PIAS1: variants seen among roughly 807,000 people sequenced by gnomAD.
PIAS1 encodes the protein protein inhibitor of activated STAT 1.
A neutral mutation model predicts 71.3 loss-of-function variants in PIAS1; 6 were observed. That is an observed-to-expected ratio of 0.08 (90% confidence interval 0.05 to 0.17). The LOEUF is 0.17. Among genes scored for constraint, PIAS1 ranks in the 10% least tolerant of loss-of-function variants. The pLI, the probability that PIAS1 is intolerant of heterozygous loss-of-function variation, is 1.00. For synonymous variants in PIAS1, 303 were observed against 292.9 expected (o/e 1.03, Z -0.35); for missense variants, 555 against 793.6 (o/e 0.70, Z 3.61).
chr15:68,179,363 A>G (rs2093038383), intron 11 of PIAS1, among the ~76,000 whole-genome samples: 1 of 152,112 alleles, frequency 6.6e-6, no homozygotes, highest in African/African-American at 2.4e-5. Context: ...TCTCTTAGAC[A>G]TTGTGAGAAG....
At position 68,103,814 on chromosome 15, in the gene PIAS1, G is replaced by A. The variant is rs78159590; in HGVS notation, c.469+17064G>A. Among the ~76,000 whole-genome samples, 13 of 152,212 alleles carry A rather than the reference G, an allele frequency of 8.5e-5. No individual in the cohort carries two copies. In the South Asian group the frequency reaches 1.2e-3, roughly 15 times the overall value. On this transcript the variant is annotated intron_variant, in intron 2 of 13. Coordinates refer to ENST00000249636, the MANE Select transcript of PIAS1 (RefSeq NM_016166.3). ...CTTTTTAATGGCCAAGTAATATTCC[G>A]TTATATGGATATACCACATTTTGTT... is the stretch of plus-strand genomic sequence containing the variant.
At chr15:68,120,534 G>A (rs542403671) in intron 2 of PIAS1, among the ~76,000 whole-genome samples, 7 of 152,032 alleles carry the variant, frequency 4.6e-5, no homozygotes, top group African/African-American at 7.2e-5. Flanking sequence ...TGTAGTATAC[G>A]TCTTTAATTC....
At chr15:68,122,317 C>T (rs1405917727) in intron 2 of PIAS1, among the ~76,000 whole-genome samples, 2 of 152,072 alleles carry the variant, frequency 1.3e-5, no homozygotes, top group Non-Finnish European at 2.9e-5. Context: ...ATCTGACAGT[C>T]GCAGGTAACA....
At chr15:68,094,136 A>G (rs2092354937) in intron 2 of PIAS1, among the ~76,000 whole-genome samples, 2 of 151,718 alleles carry the variant, frequency 1.3e-5, no homozygotes, top group African/African-American at 4.8e-5. Context: ...TCTGGGCTAT[A>G]TATATATTTG....
intron 7 of PIAS1, among the ~76,000 whole-genome samples, chr15:68,162,651 C>T: frequency 6.6e-6 from 1 of 152,174 alleles, no homozygotes; most frequent in Admixed American, 6.5e-5. Context: ...TCCAGGAAGC[C>T]AACTCTCAAT....
chr15:68,132,120 T>C (rs2092692220), intron 2 of PIAS1, among the ~76,000 whole-genome samples: 1 of 151,872 alleles, frequency 6.6e-6, no homozygotes, highest in Non-Finnish European at 1.5e-5. Context: ...ATCAGAATTA[T>C]TCCCAGTGGG....
At chr15:68,103,639 C>T (rs2092446767) in intron 2 of PIAS1, among the ~76,000 whole-genome samples, 1 of 152,142 alleles carries the variant, frequency 6.6e-6, no homozygotes, top group Non-Finnish European at 1.5e-5. Flanking sequence ...TCCCCTGAAA[C>T]TACTAATACG....
chr15:68,083,241 G>C (rs1262096741), intron 1 of PIAS1, among the ~76,000 whole-genome samples: 1 of 152,126 alleles, frequency 6.6e-6, no homozygotes, highest in Non-Finnish European at 1.5e-5. Context: ...GTTTTCCTCA[G>C]TGTTGTCAAC....
At chr15:68,142,874 A>G (rs1186665192) in intron 4 of PIAS1, among the ~76,000 whole-genome samples, 2 of 152,232 alleles carry the variant, frequency 1.3e-5, no homozygotes, top group African/African-American at 4.8e-5. Context: ...TTTGTTCTGT[A>G]TTTTAAATAA....
chr15:68,123,751 G>A (rs529045487), intron 2 of PIAS1, among the ~76,000 whole-genome samples: 2 of 152,250 alleles, frequency 1.3e-5, no homozygotes, highest in Admixed American at 1.3e-4. Context: ...AGTATATTCT[G>A]TGATATTATA....
At chr15:68,141,015 ACT>A (rs1437326562) in intron 2 of PIAS1, among the ~76,000 whole-genome samples, 1 of 151,938 alleles carries the variant, frequency 6.6e-6, no homozygotes, top group Non-Finnish European at 1.5e-5. Flanking sequence ...GATATTAACC[ACT>A]GTTTTAAAAA....
At chr15:68,147,239 G>T (rs888681548) in intron 6 of PIAS1, among the ~76,000 whole-genome samples, 5 of 152,136 alleles carry the variant, frequency 3.3e-5, no homozygotes, top group South Asian at 2.1e-4. Flanking sequence ...CTGACTTTCA[G>T]TGTTATTTGC....
At position 68,086,713 on chromosome 15, in the gene PIAS1, T is replaced by C; in HGVS notation, c.432T>C (p.Tyr144=). 2 of 1,612,994 alleles carry C rather than the reference T, an allele frequency of 1.2e-6. No individual in the cohort carries two copies. Among genetic ancestry groups the C allele is most frequent in the Non-Finnish European group, 1.7e-6 (2 of 1,178,968 alleles). The change falls in exon 2 of 14, where the codon TAT becomes TAC. Residue 144 remains tyrosine, a synonymous_variant. Transcript: ENST00000249636. This position sits in a 1 kb window ranked among gnomAD's most constrained non-coding sequence, Gnocchi z 7.2. ...TAAAACTTCAAAAATTACCATTTTA[T>C]GATTTACTGGATGAACTGATAAAAC... ...PDIKLQKLPF[Y]DLLDELIKPT...
At chr15:68,175,970 A>T (rs1189494203) in intron 10 of PIAS1, among the ~76,000 whole-genome samples, 1 of 152,210 alleles carries the variant, frequency 6.6e-6, no homozygotes, top group African/African-American at 2.4e-5. Context: ...ATTTACTGAT[A>T]TAAGATTTCA....
intron 2 of PIAS1, among the ~76,000 whole-genome samples, chr15:68,124,147 G>A (rs578021088): frequency 2.6e-5 from 4 of 152,052 alleles, no homozygotes; most frequent in African/African-American, 9.7e-5. Flanking sequence ...AATGATGGTG[G>A]GAGGTTATTT....
At chr15:68,169,887 A>G (rs761062507) in intron 8 of PIAS1, among the ~76,000 whole-genome samples, 3 of 152,126 alleles carry the variant, frequency 2.0e-5, no homozygotes, top group Non-Finnish European at 4.4e-5. Context: ...CATTTTACAA[A>G]ACTGAGCCTC....
At chr15:68,117,334 C>T (rs780627268) in intron 2 of PIAS1, among the ~76,000 whole-genome samples, 2 of 152,196 alleles carry the variant, frequency 1.3e-5, no homozygotes, top group Non-Finnish European at 2.9e-5. Flanking sequence ...GATCCACCTG[C>T]CTTGGCCTCC....
rs554516133 is a variant in PIAS1 at position 68,161,554 on chromosome 15, C to CT, written c.935-3176dup. Reference sequence around the variant, plus strand: ...ATAATTTCAGAAAATTCTCCCACCTCTGAGAGAAAGTGAATATATAAATCG... The same window carrying CT: ...ATAATTTCAGAAAATTCTCCCACCTCTTGAGAGAAAGTGAATATATAAATCG... On this transcript the variant is annotated intron_variant, in intron 7 of 13. Coordinates refer to ENST00000249636, the MANE Select transcript of PIAS1 (RefSeq NM_016166.3). Among the ~76,000 whole-genome samples the CT allele has an allele frequency of 2.9e-4, 44 of 151,282 alleles. 1 individual carries two copies. The East Asian group carries it at 3.3e-3, about 11-fold the overall frequency.
intron 2 of PIAS1, among the ~76,000 whole-genome samples, chr15:68,129,646 G>A (rs924524976): frequency 1.3e-5 from 2 of 151,904 alleles, no homozygotes; most frequent in Non-Finnish European, 2.9e-5. Flanking sequence ...TAAAGATAAA[G>A]GTAAAAATTA....
Sources: gnomAD v4.1 joint callset for allele counts (sites outside exome capture counted in the v4.1 genomes callset) on GRCh38, gnomAD v4.1.1 for gene constraint, Gnocchi (gnomAD v3.1) non-coding constraint, MANE v1.5 for transcripts, NCBI Gene and HGNC (gene_info 2026-07-23, HGNC 2026-07-21) for gene names.